The following SOAT1 variants were observed in gnomAD, a reference collection of about 807,000 sequenced individuals.
SOAT1 encodes acyl-coenzyme A:cholesterol acyltransferase 1.
A neutral mutation model predicts 69.5 loss-of-function variants in SOAT1; 55 were observed. The ratio of observed to expected loss-of-function variants is 0.79; its 90% confidence interval spans 0.64 to 0.99. SOAT1 has a LOEUF of 0.99. SOAT1 is among the 50% of genes least tolerant of loss of function. The pLI is 0.00. For missense variants in SOAT1, 580 were observed against 669.3 expected (o/e 0.87, Z 1.47); for synonymous variants, 231 against 224.7 (o/e 1.03, Z -0.25).
intron 4 of SOAT1, among the ~76,000 whole-genome samples, chr1:179,336,244 C>T (rs967622181): frequency 2.6e-5 from 4 of 151,616 alleles, no homozygotes; most frequent in Admixed American, 6.6e-5. Flanking sequence ...GGGTGGATCA[C>T]TTGAGGTCAG....
At chr1:179,330,963 TGCC>T (rs949639484) in intron 3 of SOAT1, among the ~76,000 whole-genome samples, 4 of 152,368 alleles carry the variant, frequency 2.6e-5, no homozygotes, top group Admixed American at 6.5e-5. Context: ...AGCAGTCATG[TGCC>T]CAGATAGAAA....
chr1:179,321,434 T>C (rs1665599614), intron 2 of SOAT1, among the ~76,000 whole-genome samples: 1 of 152,158 alleles, frequency 6.6e-6, no homozygotes, highest in South Asian at 2.1e-4. Flanking sequence ...CCTCCCAAAG[T>C]GTGGGGATTG....
chr1:179,350,304 C>G lies in SOAT1; in HGVS notation c.1323C>G (p.Ser441=). 6.2e-7 allele frequency: 1 copy of G among 1,610,814 alleles called. No homozygotes were observed. The highest frequency in any genetic ancestry group is 1.3e-5 in the African/African-American group (1 of 74,760). The change falls in exon 14 of 16, where the codon TCC becomes TCG. Residue 441 remains serine (S), a synonymous_variant. Coordinates refer to ENST00000367619, the MANE Select transcript of SOAT1 (RefSeq NM_003101.6). ...YAYKDFLWFF[S]KRFKSAAMLA... ...TTTTCCTTTTTCTTTAGTTTTTCTC[C>G]AAGAGATTCAAATCTGCTGCCATGT...
chr1:179,323,465 A>G lies in SOAT1; in HGVS notation c.147A>G (p.Ala49=), dbSNP rs1444753393. 7 of 1,613,810 alleles carry G rather than the reference A, an allele frequency of 4.3e-6. No homozygotes were observed. The East Asian group carries it at 1.6e-4, about 36-fold the overall frequency. Residue 49 remains alanine (A), a synonymous_variant, in exon 3 of 16, where the codon GCA becomes GCG. Transcript: ENST00000367619. ...GAATTGACATAAAACAGTTGATAGC[A>G]AAGAAGATAAAGTTGACAGCAGAGG... is the stretch of plus-strand genomic sequence containing the variant. The part of the protein sequence containing the change: ...NGRIDIKQLI[A]KKIKLTAEAE...
chr1:179,340,871 C>CG (rs1449590713), intron 6 of SOAT1, among the ~76,000 whole-genome samples, 157 bp from the exon 7 acceptor site: 1 of 151,806 alleles, frequency 6.6e-6, no homozygotes, highest in Non-Finnish European at 1.5e-5. Context: ...AAGCAGATCT[C>CG]TAACTAGCAG....
At chr1:179,339,640 C>T in intron 6 of SOAT1, 95 bp downstream of exon 6, 2 of 674,198 alleles carry the variant, frequency 3.0e-6, no homozygotes, top group African/African-American at 1.9e-5. Flanking sequence ...TAAATTGCTT[C>T]AGGAAATCCT....
chr1:179,300,522 T>G (rs1571400456), intron 1 of SOAT1, among the ~76,000 whole-genome samples: 1 of 152,330 alleles, frequency 6.6e-6, no homozygotes, highest in Non-Finnish European at 1.5e-5. Context: ...ATTTGTTTGA[T>G]TTCAGAAATA....
At chr1:179,332,229 G>A (rs975074870) in intron 3 of SOAT1, among the ~76,000 whole-genome samples, 2 of 152,104 alleles carry the variant, frequency 1.3e-5, no homozygotes, top group African/African-American at 4.8e-5. Context: ...ATCTGAACAT[G>A]TTTACAAATC....
chr1:179,299,202 A>G (rs965230981), intron 1 of SOAT1, among the ~76,000 whole-genome samples: 1 of 152,186 alleles, frequency 6.6e-6, no homozygotes, highest in African/African-American at 2.4e-5. Context: ...TAGCGATTAG[A>G]GGGCAGGTTG....
intron 2 of SOAT1, among the ~76,000 whole-genome samples, chr1:179,309,459 T>TA (rs1476145206): frequency 6.6e-6 from 1 of 152,190 alleles, no homozygotes; most frequent in Admixed American, 6.5e-5. Context: ...AAATTTCCTT[T>TA]AAAAAATGTT....
intron 1 of SOAT1, 131 bp downstream of exon 1, chr1:179,294,067 G>A (rs1042613514): frequency 1.3e-5 from 2 of 152,294 alleles, no homozygotes; most frequent in East Asian, 1.9e-4. Flanking sequence ...TGCGGAGAAG[G>A]CGAGGCTCGG....
chr1:179,300,378 T>C (rs538102350), intron 1 of SOAT1, among the ~76,000 whole-genome samples: 1 of 152,226 alleles, frequency 6.6e-6, no homozygotes, highest in Non-Finnish European at 1.5e-5. Context: ...TTACACAGAA[T>C]TGGACCATTG....
intron 2 of SOAT1, among the ~76,000 whole-genome samples, chr1:179,321,518 A>G (rs900994993): frequency 1.3e-5 from 2 of 152,192 alleles, no homozygotes; most frequent in Admixed American, 6.5e-5. Context: ...ACTGTATAAC[A>G]TAATGATTTC....
At chr1:179,296,397 GTA>G (rs552009873) in intron 1 of SOAT1, among the ~76,000 whole-genome samples, 188 of 152,294 alleles carry the variant, frequency 1.2e-3, no homozygotes, top group African/African-American at 4.1e-3. Context: ...GAGAACTACT[GTA>G]TTAACCAGGG....
At chr1:179,339,797 G>A (rs1429296459) in intron 6 of SOAT1, among the ~76,000 whole-genome samples, 1 of 152,188 alleles carries the variant, frequency 6.6e-6, no homozygotes, top group Non-Finnish European at 1.5e-5. Context: ...CCAAATGGGA[G>A]AACTTTATAC....
intron 2 of SOAT1, among the ~76,000 whole-genome samples, chr1:179,307,123 G>A (rs1443008443): frequency 5.3e-5 from 8 of 152,150 alleles, no homozygotes; most frequent in Non-Finnish European, 1.2e-4. Flanking sequence ...AACACTGTTT[G>A]CCAAAACAGA....
intron 11 of SOAT1, among the ~76,000 whole-genome samples, chr1:179,346,097 T>C (rs1014662681): frequency 6.6e-6 from 1 of 152,166 alleles, no homozygotes; most frequent in Admixed American, 6.5e-5. Flanking sequence ...TCACCTTCCC[T>C]TTCTTTTCTT....
rs141021552 is a variant in SOAT1, at chr1:179,302,766, A to G, written c.82A>G (p.Asn28Asp). 5.6e-6 allele frequency: 9 copies of G among 1,606,410 alleles called. No individual in the cohort carries two copies. In the East Asian group the frequency reaches 2.0e-4, roughly 36 times the overall value. The change falls in exon 2 of 16, where the codon AAC (asparagine) becomes GAC (aspartate). Residue 28 changes from asparagine to aspartate, a missense_variant. By Grantham distance (23) the Asn-to-Asp change is conservative (BLOSUM62 1). Coordinates refer to ENST00000367619, the MANE Select transcript of SOAT1 (RefSeq NM_003101.6). Reference sequence around the variant, plus strand: ...TCCTGAGGAAGATGAAGACCAGAGAAACCCTGCAAAGGAGTCCCTAGAGAC... The same window carrying G: ...TCCTGAGGAAGATGAAGACCAGAGAGACCCTGCAAAGGAGTCCCTAGAGAC... ...ENPEEDEDQR[N>D]PAKESLETPS...
At chr1:179,320,628 G>A (rs188518645) in intron 2 of SOAT1, among the ~76,000 whole-genome samples, 32 of 152,198 alleles carry the variant, frequency 2.1e-4, no homozygotes, top group Middle Eastern at 3.4e-3. Context: ...ATGAATATGG[G>A]ATGTCTTTAG....
Sources: gnomAD v4.1 joint callset for allele counts (sites outside exome capture counted in the v4.1 genomes callset) on GRCh38, gnomAD v4.1.1 for gene constraint, MANE v1.5 for transcripts, NCBI Gene and HGNC (gene_info 2026-07-23, HGNC 2026-07-21) for gene names.